The following SMG6 variants were observed in gnomAD, a reference collection of about 807,000 sequenced individuals.
The protein encoded by SMG6 is telomerase-binding protein EST1A.
SMG6 carries 66 observed loss-of-function variants against 142.2 expected under a neutral mutation model. The observed-to-expected ratio is 0.46, with a 90% CI of 0.38 to 0.57. The LOEUF (loss-of-function observed/expected upper bound fraction) is 0.57, where lower values mean the gene tolerates loss of function less well. Among genes scored for constraint, SMG6 ranks in the 20% least tolerant of loss-of-function variants. The pLI is 0.00. For synonymous variants in SMG6, 779 were observed against 702.4 expected, an observed-to-expected ratio of 1.11 and a Z score of -1.72; for missense variants, 1,793 against 1,832.0, an observed-to-expected ratio of 0.98 and a Z score of 0.39.
intron 13 of SMG6, among the ~76,000 whole-genome samples, chr17:2,139,322 A>G (rs563190150): frequency 6.6e-6 from 1 of 152,334 alleles, no homozygotes. Flanking sequence ...CTATTTCACC[A>G]AACAGCCTAA....
At chr17:2,289,915 C>T (rs920551992) in intron 6 of SMG6, among the ~76,000 whole-genome samples, 12 of 134,416 alleles carry the variant, frequency 8.9e-5, no homozygotes, top group Non-Finnish European at 1.6e-4. Flanking sequence ...GGCTCCATCT[C>T]AAAAAAAAAT....
chr17:2,183,113 C>A (rs776990086), intron 12 of SMG6, among the ~76,000 whole-genome samples: 11 of 152,056 alleles, frequency 7.2e-5, no homozygotes, highest in Non-Finnish European at 1.3e-4. Context: ...GTAGTCCCAG[C>A]TACTTGGGAG....
chr17:2,141,827 G>A (rs1040450365), intron 13 of SMG6, among the ~76,000 whole-genome samples: 3 of 152,154 alleles, frequency 2.0e-5, no homozygotes, highest in African/African-American at 7.2e-5. Context: ...GAGAAAACTG[G>A]AGGACTATTT....
intron 13 of SMG6, among the ~76,000 whole-genome samples, chr17:2,166,388 AG>A (rs139405635): frequency 0.35 from 52,666 of 152,062 alleles, 9,615 homozygotes; most frequent in African/African-American, 0.46. Flanking sequence ...GCACGCAAAT[AG>A]AGAAACAAAT....
chr17:2,069,044 T>G lies in SMG6; in HGVS notation c.3682-113A>C, dbSNP rs541946692. ...TCCTGCCCCTAGGAACCTCTTCCCC[T>G]CCACAGTAATAACCAGTCCCCGTCG... is the stretch of plus-strand genomic sequence containing the variant. On this transcript the variant is annotated intron_variant, in intron 15 of 18. Coordinates refer to ENST00000263073, the MANE Select transcript of SMG6 (RefSeq NM_017575.5). The G allele has an allele frequency of 1.1e-3, 1,171 of 1,040,194 alleles. 3 individuals are homozygous for G. The highest frequency in any genetic ancestry group is 1.4e-3 in the Non-Finnish European group (992 of 704,114). 64.4% of individuals were successfully genotyped at this position (1,040,194 alleles called of 1,614,324 possible). A position where few individuals can be genotyped will look rare whatever the true frequency, so the allele number is the denominator to read the frequency against.
At chr17:2,158,875 A>C (rs1199286884) in intron 13 of SMG6, among the ~76,000 whole-genome samples, 1 of 151,034 alleles carries the variant, frequency 6.6e-6, no homozygotes, top group African/African-American at 2.4e-5. Flanking sequence ...AAAAAAAAAA[A>C]AAGTTTGCTG....
At chr17:2,212,909 G>A (rs1398232784) in intron 10 of SMG6, among the ~76,000 whole-genome samples, 1 of 152,220 alleles carries the variant, frequency 6.6e-6, no homozygotes, top group Non-Finnish European at 1.5e-5. Flanking sequence ...CTCAGGGCAG[G>A]GTTTGGCGCT....
At chr17:2,063,731 T>C (rs1475371819) in intron 18 of SMG6, among the ~76,000 whole-genome samples, 1 of 151,708 alleles carries the variant, frequency 6.6e-6, no homozygotes, top group East Asian at 1.9e-4. Flanking sequence ...GTTTGGAGGA[T>C]TTGGGAGGGA....
At chr17:2,131,932 TGTG>T (rs943658777) in intron 13 of SMG6, among the ~76,000 whole-genome samples, 3 of 151,916 alleles carry the variant, frequency 2.0e-5, no homozygotes, top group Non-Finnish European at 4.4e-5. Context: ...ATTAGCCAGG[TGTG>T]GTGGTGGGCA....
At chr17:2,241,840 T>C (rs2073809523) in intron 9 of SMG6, among the ~76,000 whole-genome samples, 2 of 152,252 alleles carry the variant, frequency 1.3e-5, no homozygotes, top group Non-Finnish European at 2.9e-5. Flanking sequence ...TGTTCCTACA[T>C]TCTGCACCAA....
intron 13 of SMG6, among the ~76,000 whole-genome samples, chr17:2,137,142 G>A (rs1237919474): frequency 6.6e-6 from 1 of 152,146 alleles, no homozygotes; most frequent in Non-Finnish European, 1.5e-5. Flanking sequence ...ACTCCAGCCT[G>A]GGTGACAGAG....
intron 13 of SMG6, among the ~76,000 whole-genome samples, chr17:2,170,847 T>A (rs543503946): frequency 6.6e-6 from 1 of 152,266 alleles, no homozygotes; most frequent in East Asian, 1.9e-4. Flanking sequence ...TGTAAAAAAA[T>A]TGGGAACATT....
Position 2,152,914 on chromosome 17 carries a change from A to C in SMG6, c.3357+19744T>G, listed in dbSNP as rs567288240. Reference sequence around the variant, plus strand: ...GCAGTTCTATCCATGACCACCAAAAACTGCAAATAGCCCAAATGTTCAACT... The same window carrying C: ...GCAGTTCTATCCATGACCACCAAAACCTGCAAATAGCCCAAATGTTCAACT... On this transcript the variant is annotated intron_variant, in intron 13 of 18. Transcript: ENST00000263073. Among the ~76,000 whole-genome samples the C allele has an allele frequency of 3.3e-5, 5 of 152,210 alleles. No individual in the cohort carries two copies. The East Asian group carries it at 9.6e-4, about 29-fold the overall frequency.
At chr17:2,295,992 A>G (rs898119900) in intron 4 of SMG6, among the ~76,000 whole-genome samples, 8 of 151,892 alleles carry the variant, frequency 5.3e-5, no homozygotes, top group African/African-American at 1.9e-4. Context: ...CACGACCTCT[A>G]TCTTAGTTCA....
chr17:2,091,822 C>T (rs1211724640), intron 13 of SMG6, among the ~76,000 whole-genome samples: 1 of 146,844 alleles, frequency 6.8e-6, no homozygotes, highest in African/African-American at 2.5e-5. Flanking sequence ...AGGCACCCGC[C>T]ACCACGCCCA....
At chr17:2,184,245 C>A (rs778750194) in intron 12 of SMG6, among the ~76,000 whole-genome samples, 1 of 152,080 alleles carries the variant, frequency 6.6e-6, no homozygotes. Context: ...TACCTGTAAT[C>A]CCAGCCACTT....
At chr17:2,166,960 T>C (rs2071357224) in intron 13 of SMG6, among the ~76,000 whole-genome samples, 1 of 151,904 alleles carries the variant, frequency 6.6e-6, no homozygotes, top group South Asian at 2.1e-4. Flanking sequence ...ACCCCGTCTC[T>C]ACTAAAAATA....
At chr17:2,192,786 C>G (rs2072205804) in intron 10 of SMG6, among the ~76,000 whole-genome samples, 1 of 152,206 alleles carries the variant, frequency 6.6e-6, no homozygotes. Context: ...TCAACTGCTG[C>G]TGCTTGAGCC....
intron 10 of SMG6, among the ~76,000 whole-genome samples, chr17:2,194,106 T>C (rs576552810): frequency 4.1e-4 from 63 of 152,330 alleles, no homozygotes; most frequent in Middle Eastern, 3.4e-3. Context: ...AGACCATTTC[T>C]AAGGTGGGCT....
Sources: gnomAD v4.1 joint callset for allele counts (sites outside exome capture counted in the v4.1 genomes callset) on GRCh38, gnomAD v4.1.1 for gene constraint, MANE v1.5 for transcripts, NCBI Gene and HGNC (gene_info 2026-07-23, HGNC 2026-07-21) for gene names.